GUCY1A2: variants seen among roughly 807,000 people sequenced by gnomAD.
GUCY1A2 encodes guanylate cyclase soluble subunit alpha-2.
A neutral mutation model predicts 63.5 loss-of-function variants in GUCY1A2; 27 were observed. That is an observed-to-expected ratio of 0.43 (90% CI 0.31 to 0.59). The LOEUF is 0.59. Ranked by LOEUF, GUCY1A2 falls within the 20% of genes least tolerant of loss-of-function variation. GUCY1A2 has a pLI of 0.11. For synonymous variants in GUCY1A2, 364 were observed against 343.5 expected (o/e 1.06, Z -0.66); for missense variants, 768 against 913.3 (o/e 0.84, Z 2.05).
chr11:106,729,120 C>T (rs1392514976), intron 6 of GUCY1A2, among the ~76,000 whole-genome samples: 1 of 152,138 alleles, frequency 6.6e-6, no homozygotes, highest in East Asian at 1.9e-4. Context: ...GTAATGGAGA[C>T]ATGCTATAAG....
intron 4 of GUCY1A2, among the ~76,000 whole-genome samples, chr11:106,890,832 C>T (rs1399452101): frequency 6.6e-6 from 1 of 152,050 alleles, no homozygotes; most frequent in Non-Finnish European, 1.5e-5. Flanking sequence ...CACCACATTG[C>T]AATGATGACA....
chr11:106,693,277 T>G (rs1183073744), intron 7 of GUCY1A2, among the ~76,000 whole-genome samples: 1 of 152,204 alleles, frequency 6.6e-6, no homozygotes, highest in Non-Finnish European at 1.5e-5. Context: ...TTTAATTAGG[T>G]ATTAAATTCT....
At chr11:106,950,721 G>A (rs936261521) in intron 3 of GUCY1A2, among the ~76,000 whole-genome samples, 2 of 152,152 alleles carry the variant, frequency 1.3e-5, no homozygotes, top group Admixed American at 6.6e-5. Context: ...TCCTCGGAGG[G>A]CTTACTCAGA....
intron 4 of GUCY1A2, among the ~76,000 whole-genome samples, chr11:106,856,664 G>C (rs1468496034): frequency 2.0e-5 from 3 of 152,080 alleles, no homozygotes; most frequent in Non-Finnish European, 2.9e-5. Context: ...TTTCCATTAA[G>C]TGTCTGAGAA....
chr11:106,771,703 G>A (rs1446971521), intron 6 of GUCY1A2, among the ~76,000 whole-genome samples: 1 of 151,864 alleles, frequency 6.6e-6, no homozygotes, highest in Non-Finnish European at 1.5e-5. Context: ...AGTAAGCTGT[G>A]ATGGTGACAC....
At chr11:106,900,633 A>G (rs1304597518) in intron 4 of GUCY1A2, among the ~76,000 whole-genome samples, 1 of 152,204 alleles carries the variant, frequency 6.6e-6, no homozygotes, top group Admixed American at 6.5e-5. Flanking sequence ...TCTTCTATAT[A>G]TCCAGTTTTT....
At chr11:107,002,121 T>C (rs1861619596) in intron 1 of GUCY1A2, among the ~76,000 whole-genome samples, 2 of 151,924 alleles carry the variant, frequency 1.3e-5, no homozygotes, top group South Asian at 4.2e-4. Flanking sequence ...CTTGATGAAA[T>C]TGATTAAAAT....
intron 4 of GUCY1A2, among the ~76,000 whole-genome samples, chr11:106,813,828 G>A (rs999226036): frequency 6.6e-6 from 1 of 152,034 alleles, no homozygotes; most frequent in Non-Finnish European, 1.5e-5. Flanking sequence ...ACACATCTGT[G>A]AGTACTTGCT....
At chr11:106,764,363 A>G (rs554080045) in intron 6 of GUCY1A2, among the ~76,000 whole-genome samples, 1 of 152,224 alleles carries the variant, frequency 6.6e-6, no homozygotes, top group South Asian at 2.1e-4. Context: ...GTGGCAGTAT[A>G]GGGTAATGGT....
chr11:106,897,229 C>A (rs746503461), intron 4 of GUCY1A2, among the ~76,000 whole-genome samples: 1 of 152,082 alleles, frequency 6.6e-6, no homozygotes, highest in Non-Finnish European at 1.5e-5. Flanking sequence ...AGTCTATGTT[C>A]ATAAATAGAA....
intron 4 of GUCY1A2, among the ~76,000 whole-genome samples, chr11:106,847,423 T>C (rs1237700695): frequency 1.3e-5 from 2 of 151,394 alleles, no homozygotes; most frequent in Non-Finnish European, 1.5e-5. Context: ...ACATCAAGTA[T>C]CTGACCCAAA....
chr11:106,687,565 C>T lies in GUCY1A2; in HGVS notation c.2183G>A (p.Arg728Gln), dbSNP rs1243168006. Residue 728 changes from arginine (R) to glutamine (Q), a missense_variant, in exon 8 of 8, where the codon CGG becomes CAG. Physicochemically the swap from Arg to Gln is conservative, Grantham distance 43. Around this residue, in one of 3 missense-constraint regions of GUCY1A2, gnomAD observed 150 missense variants for 188.3 expected, o/e 0.80. Transcript: ENST00000526355. ...VSYNIGTMFL[R>Q]ETSL ...TAGCAGGTCTCAGAGGCTTGTCTCC[C>T]GGAGGAACATGGTGCCGATGTTGTA... The T allele has an allele frequency of 9.3e-6, 15 of 1,613,562 alleles. No homozygotes were observed. Among genetic ancestry groups the T allele is most frequent in the African/African-American group, 1.3e-5 (1 of 74,988 alleles).
chr11:106,765,046 A>G (rs1294304441), intron 6 of GUCY1A2, among the ~76,000 whole-genome samples: 1 of 151,588 alleles, frequency 6.6e-6, no homozygotes, highest in African/African-American at 2.4e-5. Context: ...AGTGTCCAGT[A>G]TGCATTTTTT....
chr11:106,810,889 T>C (rs979909462), intron 4 of GUCY1A2, among the ~76,000 whole-genome samples: 2 of 152,116 alleles, frequency 1.3e-5, no homozygotes, highest in Non-Finnish European at 2.9e-5. Context: ...ATTAAAATAA[T>C]ACCCCTTTCA....
chr11:106,837,728 G>A (rs1269544723), intron 4 of GUCY1A2, among the ~76,000 whole-genome samples: 1 of 151,878 alleles, frequency 6.6e-6, no homozygotes, highest in Non-Finnish European at 1.5e-5. Context: ...GTTCAAATCT[G>A]TGTTGCTCAA....
intron 1 of GUCY1A2, among the ~76,000 whole-genome samples, chr11:107,016,746 A>G (rs1861828984): frequency 1.3e-5 from 2 of 152,118 alleles, no homozygotes; most frequent in South Asian, 4.2e-4. Context: ...GTGAGAGAGA[A>G]AGCACTAGAG....
chr11:106,708,108 ATTT>A (rs1263934712), intron 7 of GUCY1A2, among the ~76,000 whole-genome samples: 4 of 151,782 alleles, frequency 2.6e-5, no homozygotes, highest in Non-Finnish European at 4.4e-5. Context: ...TAAAGACTTT[ATTT>A]ATTTATTCAA....
intron 1 of GUCY1A2, among the ~76,000 whole-genome samples, chr11:106,995,666 T>A (rs1420517582): frequency 6.6e-6 from 1 of 152,226 alleles, no homozygotes; most frequent in African/African-American, 2.4e-5. Context: ...ATGTGTTATG[T>A]GATGATTAAA....
intron 4 of GUCY1A2, among the ~76,000 whole-genome samples, chr11:106,908,205 A>T (rs976356019): frequency 2.6e-5 from 4 of 152,032 alleles, no homozygotes; most frequent in African/African-American, 9.7e-5. Flanking sequence ...GATATTATCA[A>T]TTTTACTGCT....
Sources: allele counts gnomAD v4.1 joint callset (sites outside exome capture counted in the v4.1 genomes callset), GRCh38; gene constraint gnomAD v4.1.1; regional missense constraint gnomAD v4.1.1; transcripts MANE v1.5; gene names NCBI Gene and HGNC (gene_info 2026-07-23, HGNC 2026-07-21).